Variants in AMZ1 observed in about 807,000 individuals in gnomAD.
The protein encoded by AMZ1 is archaemetzincin-1.
A neutral mutation model predicts 29.9 loss-of-function variants in AMZ1; 39 were observed. The observed-to-expected ratio is 1.30, with a 90% CI of 1.01 to 1.70. The LOEUF is 1.70. AMZ1 is among the 40% of genes most tolerant of loss of function. AMZ1 has a pLI of 0.00. For synonymous variants in AMZ1, 458 were observed against 304.0 expected, an observed-to-expected ratio of 1.51 and a Z score of -5.27; for missense variants, 1,041 against 680.6, an observed-to-expected ratio of 1.53 and a Z score of -5.89.
intron 1 of AMZ1, among the ~76,000 whole-genome samples, chr7:2,682,466 G>A (rs1019430245): frequency 6.6e-6 from 1 of 152,210 alleles, no homozygotes; most frequent in Non-Finnish European, 1.5e-5. Context: ...CAGCTCCAGG[G>A]AGGCCTGGGG....
At chr7:2,684,134 C>T (rs981281442), upstream of AMZ1, among the ~76,000 whole-genome samples, 11 of 151,890 alleles carry the variant, frequency 7.2e-5, no homozygotes, top group African/African-American at 1.2e-4. Flanking sequence ...GCCAAGATCA[C>T]GCCACTGCAC....
chr7:2,707,040 C>T lies in AMZ1; in HGVS notation c.473-1548C>T, dbSNP rs559308336. Among the ~76,000 whole-genome samples the T allele has an allele frequency of 1.2e-4, 18 of 152,150 alleles. 1 individual carries two copies. The South Asian group carries it at 2.7e-3, about 23-fold the overall frequency. On this transcript the variant is annotated intron_variant, in intron 3 of 6. Transcript: ENST00000683327. ...CTGTAATCCCAGCACTTTGGGAGAC[C>T]GAGGCAGACGGATCACGAGGGTAGG... is the stretch of plus-strand genomic sequence containing the variant.
intron 1 of AMZ1, among the ~76,000 whole-genome samples, chr7:2,698,556 G>A (rs1026728629): frequency 2.0e-5 from 3 of 151,596 alleles, no homozygotes; most frequent in Admixed American, 6.6e-5. Context: ...AAAAGAAGTT[G>A]GGGCTCGGGG....
intron 1 of AMZ1, among the ~76,000 whole-genome samples, chr7:2,695,474 T>G (rs1329337872): frequency 1.3e-5 from 2 of 151,964 alleles, no homozygotes; most frequent in Non-Finnish European, 2.9e-5. Flanking sequence ...CTCAGCACTT[T>G]GGGAGGCCCA....
At chr7:2,692,271 T>C (rs531628413) in intron 1 of AMZ1, among the ~76,000 whole-genome samples, 1 of 152,226 alleles carries the variant, frequency 6.6e-6, no homozygotes, top group South Asian at 2.1e-4. Context: ...CCGGGCGTGG[T>C]GGCTCACGCC....
chr7:2,757,129 C>CTTTTTTTTTTTTTTTT (rs71026549), intron 4 of AMZ1, among the ~76,000 whole-genome samples: 3 of 94,004 alleles, frequency 3.2e-5, no homozygotes, highest in African/African-American at 1.3e-4. Context: ...TCAGGTGGGC[C>CTTTTTTTTTTTTTTTT]TTTTTTTTTT....
chr7:2,699,928 C>A (rs1389398713), intron 1 of AMZ1, among the ~76,000 whole-genome samples: 1 of 152,176 alleles, frequency 6.6e-6, no homozygotes, highest in Non-Finnish European at 1.5e-5. Flanking sequence ...TGTCCCTGCC[C>A]CTGCCGAGTG....
rs370597097 is a variant in AMZ1 at position 2,697,140 on chromosome 7, A to G, written c.-218-3094A>G. 1.3e-4 allele frequency among the ~76,000 whole-genome samples: 20 copies of G among 152,258 alleles called. No individual in the cohort carries two copies. The South Asian group carries it at 1.5e-3, about 11-fold the overall frequency. On this transcript the variant is annotated intron_variant, in intron 1 of 6. Transcript: ENST00000683327. ...ATTTTTGAGACAGAGCCTTGCTGCA[A>G]TGCCCAAGCTGGAGTGCAATGGCGC...
intron 4 of AMZ1, chr7:2,728,205 G>A (rs1789706673): frequency 6.6e-6 from 1 of 152,250 alleles, no homozygotes; most frequent in Admixed American, 6.5e-5. Flanking sequence ...TTAATACACT[G>A]TGCAAAGCTT....
chr7:2,689,118 C>G (rs567204135), intron 1 of AMZ1, among the ~76,000 whole-genome samples: 13 of 152,340 alleles, frequency 8.5e-5, no homozygotes, highest in Middle Eastern at 6.8e-3. Context: ...ACCATCCGTC[C>G]GTCTGGTTCT....
chr7:2,708,542 G>A (rs1562371007), intron 3 of AMZ1, 46 bp from the exon 4 acceptor site: 9 of 1,606,308 alleles, frequency 5.6e-6, no homozygotes, highest in South Asian at 1.1e-5. Context: ...GAAGATGGGG[G>A]TCCCCGGCTG....
chr7:2,708,491 C>T (rs1007777470), intron 3 of AMZ1, 97 bp from the exon 4 acceptor site: 3 of 1,553,366 alleles, frequency 1.9e-6, no homozygotes, highest in African/African-American at 2.7e-5. Context: ...GGGCAGGGCC[C>T]AGGCAGAGGA....
At chr7:2,699,122 C>G (rs1477777099) in intron 1 of AMZ1, among the ~76,000 whole-genome samples, 2 of 152,120 alleles carry the variant, frequency 1.3e-5, no homozygotes, top group Non-Finnish European at 2.9e-5. Flanking sequence ...ACAACCACCC[C>G]TTTGCTTTTA....
In AMZ1 at chr7:2,712,435, A is replaced by AT; in HGVS notation, c.1055dup (p.Met352IlefsTer4). On this transcript the variant is annotated frameshift_variant, in exon 7 of 7. Transcript: ENST00000683327. LOFTEE classifies it low-confidence loss of function (END_TRUNC). Reference sequence around the variant, plus strand: ...CCCGCCTGCCAGCGCCGACTCGGGCATGTGCTGTGAGAGTGACTCGGAGCC... The same window carrying AT: ...CCCGCCTGCCAGCGCCGACTCGGGCATTGTGCTGTGAGAGTGACTCGGAGCC... 1 of 1,611,952 alleles carries AT rather than the reference A, an allele frequency of 6.2e-7. No homozygotes were observed. The highest frequency in any genetic ancestry group is 8.5e-7 in the Non-Finnish European group (1 of 1,179,722).
chr7:2,724,104 G>A (rs186172963), downstream of AMZ1, among the ~76,000 whole-genome samples: 3 of 151,692 alleles, frequency 2.0e-5, no homozygotes, highest in Admixed American at 6.6e-5. Flanking sequence ...ATGGGGAGTG[G>A]GGGGGCGGGT....
intron 4 of AMZ1, among the ~76,000 whole-genome samples, chr7:2,750,694 C>T (rs1335865101): frequency 5.9e-5 from 9 of 152,110 alleles, no homozygotes; most frequent in South Asian, 2.1e-4. Context: ...GCCACGGACA[C>T]GGGGGACTAT....
chr7:2,708,567 C>G (rs1017843396), intron 3 of AMZ1, 21 bp from the exon 4 acceptor site: 2 of 1,610,962 alleles, frequency 1.2e-6, no homozygotes, highest in African/African-American at 2.7e-5. Flanking sequence ...CTGACCCCAT[C>G]CTCTGGCCCT....
At chr7:2,681,984 C>T (rs1044324337) in intron 1 of AMZ1, among the ~76,000 whole-genome samples, 1 of 152,162 alleles carries the variant, frequency 6.6e-6, no homozygotes, top group East Asian at 1.9e-4. Flanking sequence ...CCTGGGGGAG[C>T]GGGCTAAGGG....
At chr7:2,696,462 T>C (rs1310108973) in intron 1 of AMZ1, among the ~76,000 whole-genome samples, 6 of 150,052 alleles carry the variant, frequency 4.0e-5, no homozygotes, top group Admixed American at 2.7e-4. Context: ...TTTCACCATG[T>C]TAGCCAGGAT....
Sources: gnomAD v4.1 joint callset for allele counts (sites outside exome capture counted in the v4.1 genomes callset) on GRCh38, gnomAD v4.1.1 for gene constraint, MANE v1.5 for transcripts, NCBI Gene and HGNC (gene_info 2026-07-23, HGNC 2026-07-21) for gene names.